The following RHOBTB1 variants were observed in gnomAD, a reference collection of about 807,000 sequenced individuals.
The protein encoded by RHOBTB1 is rho-related BTB domain-containing protein 1.
Under a neutral mutation model 71.6 loss-of-function variants are expected in RHOBTB1, and 40 were observed. That is an observed-to-expected ratio of 0.56 (90% CI 0.43 to 0.73). RHOBTB1 has a LOEUF of 0.73. RHOBTB1 is among the 30% of genes least tolerant of loss of function. The probability of loss-of-function intolerance (pLI) is 0.00; values close to 1 mark genes in which losing one functional copy is unlikely to be tolerated. For missense variants in RHOBTB1, 797 were observed against 894.0 expected (o/e 0.89, Z 1.38); for synonymous variants, 319 against 334.9 (o/e 0.95, Z 0.52).
chr10:60,999,616 C>A (rs2087186184), intron 1 of RHOBTB1, among the ~76,000 whole-genome samples: 1 of 152,182 alleles, frequency 6.6e-6, no homozygotes, highest in Non-Finnish European at 1.5e-5. Flanking sequence ...AATAATTAAT[C>A]CAAGTAGGTA....
chr10:60,929,649 T>C (rs1195630933), intron 2 of RHOBTB1, among the ~76,000 whole-genome samples: 1 of 152,096 alleles, frequency 6.6e-6, no homozygotes, highest in Non-Finnish European at 1.5e-5. Context: ...CCAGAGATAA[T>C]CTAGAAGGTT....
intron 2 of RHOBTB1, among the ~76,000 whole-genome samples, chr10:60,922,999 T>C (rs948762669): frequency 9.2e-5 from 14 of 152,204 alleles, no homozygotes; most frequent in African/African-American, 2.9e-4. Flanking sequence ...CAACTCACAT[T>C]ATATTGAGTA....
At chr10:60,952,829 C>G (rs1284903792) in intron 2 of RHOBTB1, among the ~76,000 whole-genome samples, 1 of 151,980 alleles carries the variant, frequency 6.6e-6, no homozygotes, top group Non-Finnish European at 1.5e-5. Flanking sequence ...GAGAACTGAT[C>G]TCTATGACGT....
intron 2 of RHOBTB1, among the ~76,000 whole-genome samples, chr10:60,961,331 C>T (rs916484636): frequency 1.3e-4 from 20 of 152,218 alleles, no homozygotes; most frequent in Admixed American, 4.6e-4. Context: ...TGCTTACTAG[C>T]GGTACAATTC....
intron 2 of RHOBTB1, among the ~76,000 whole-genome samples, chr10:60,932,597 C>T (rs1250525662): frequency 1.3e-5 from 2 of 149,668 alleles, no homozygotes; most frequent in African/African-American, 4.9e-5. Context: ...GGGTGGGGCA[C>T]ATCTAAGGGC....
At chr10:60,964,094 A>T (rs2085875930) in intron 2 of RHOBTB1, among the ~76,000 whole-genome samples, 1 of 152,196 alleles carries the variant, frequency 6.6e-6, no homozygotes, top group African/African-American at 2.4e-5. Flanking sequence ...CAATACATGC[A>T]AACATAAAAT....
intron 5 of RHOBTB1, among the ~76,000 whole-genome samples, chr10:60,891,536 C>T (rs1020409283): frequency 1.3e-5 from 2 of 151,388 alleles, no homozygotes; most frequent in Admixed American, 6.6e-5. Context: ...TTTCTAGAGA[C>T]GTGGTCTCAC....
In RHOBTB1 at chr10:60,931,449, T is replaced by C. The variant is rs183521673; in HGVS notation, c.-11+10355A>G. Among the ~76,000 whole-genome samples, 9 of 152,356 alleles carry C rather than the reference T, an allele frequency of 5.9e-5. No homozygotes were observed. The East Asian group carries it at 1.3e-3, about 23-fold the overall frequency. ...ATCATGCAATATGTGGCCTATTGTG[T>C]CTGTCTTCTTTCACTTAGCATAGTA... On this transcript the variant is annotated intron_variant, in intron 2 of 10. Coordinates refer to ENST00000337910, the MANE Select transcript of RHOBTB1 (RefSeq NM_014836.5).
intron 2 of RHOBTB1, among the ~76,000 whole-genome samples, chr10:60,962,913 T>C (rs993661212): frequency 1.3e-5 from 2 of 152,188 alleles, no homozygotes; most frequent in African/African-American, 4.8e-5. Context: ...CCAGTTTCAA[T>C]GTATGCCATT....
Position 60,934,841 on chromosome 10 carries a change from A to G in RHOBTB1, c.-11+6963T>C, listed in dbSNP as rs191556279. Among the ~76,000 whole-genome samples, 667 of 152,332 alleles carry G rather than the reference A, an allele frequency of 4.4e-3. 2 individuals are homozygous for G. Among genetic ancestry groups the G allele is most frequent in the Non-Finnish European group, 7.3e-3 (500 of 68,032 alleles). ...ACGTGTATTGTAAAGAGCCAGGAGA[A>G]CATACTTTAATGAATGGAAGCACAT... On this transcript the variant is annotated intron_variant, in intron 2 of 10. Transcript: ENST00000337910.
chr10:60,889,551 T>G (rs979152643), intron 5 of RHOBTB1, among the ~76,000 whole-genome samples: 2 of 152,200 alleles, frequency 1.3e-5, no homozygotes, highest in Non-Finnish European at 2.9e-5. Flanking sequence ...TCCTATTATT[T>G]TGCTAAATTA....
chr10:60,891,255 G>T (rs933246486), intron 5 of RHOBTB1, among the ~76,000 whole-genome samples: 2 of 149,728 alleles, frequency 1.3e-5, no homozygotes, highest in African/African-American at 4.9e-5. Context: ...AGCATAAAAA[G>T]TTGTGTCAAT....
intron 4 of RHOBTB1, among the ~76,000 whole-genome samples, chr10:60,896,753 T>C (rs1409868659): frequency 6.6e-6 from 1 of 152,186 alleles, no homozygotes; most frequent in African/African-American, 2.4e-5. Context: ...TATAAAAATT[T>C]CGCTGGGTAC....
chr10:60,914,937 G>A (rs1157942669), intron 2 of RHOBTB1, among the ~76,000 whole-genome samples: 1 of 152,170 alleles, frequency 6.6e-6, no homozygotes, highest in Non-Finnish European at 1.5e-5. Flanking sequence ...ATAAAAGGCA[G>A]GGCAGAGTTA....
chr10:60,986,108 G>C (rs2134873797), intron 1 of RHOBTB1, among the ~76,000 whole-genome samples: 1 of 152,100 alleles, frequency 6.6e-6, no homozygotes, highest in African/African-American at 2.4e-5. Flanking sequence ...ACAAAAGTTA[G>C]AGCAAAGAAG....
chr10:60,928,388 A>T (rs1044876600), intron 2 of RHOBTB1, among the ~76,000 whole-genome samples: 13 of 152,190 alleles, frequency 8.5e-5, no homozygotes, highest in Non-Finnish European at 1.6e-4. Context: ...TGTTTACTGC[A>T]GCACTACTTA....
chr10:60,888,411 A>G lies in RHOBTB1; in HGVS notation c.1257T>C (p.Tyr419=), dbSNP rs748643393. Residue 419 remains tyrosine, a synonymous_variant, in exon 6 of 11, where the codon TAT becomes TAC. Coordinates refer to ENST00000337910, the MANE Select transcript of RHOBTB1 (RefSeq NM_014836.5). ...GPFRTLLQFL[Y]TGQLDEKEKD... is the part of the protein sequence containing the mutation. The stretch of plus-strand genomic sequence containing the variant: ...TTTCCTTTTCATCCAGTTGTCCCGT[A>G]TAAAGAAACTGGAGCAGGGTCCGAA... 8.1e-6 allele frequency: 13 copies of G among 1,614,052 alleles called. No individual in the cohort carries two copies. In the East Asian group the frequency reaches 2.2e-4, roughly 28 times the overall value.
In RHOBTB1 at chr10:60,871,378, A is replaced by G. The variant is rs555372831; in HGVS notation, c.*104T>C. On this transcript the variant is annotated 3_prime_UTR_variant, in exon 11 of 11. Coordinates refer to ENST00000337910, the MANE Select transcript of RHOBTB1 (RefSeq NM_014836.5). ...AGGAAGATCAGTGCCCGAAACCTGA[A>G]CTATGTCGTATCTCTAACAAGACGA... The G allele has an allele frequency of 1.7e-5, 20 of 1,171,972 alleles. No individual in the cohort carries two copies. The Admixed American group carries it at 2.2e-4, about 13-fold the overall frequency. 72.6% of individuals were successfully genotyped at this position (1,171,972 alleles called of 1,614,324 possible). A position where few individuals can be genotyped will look rare whatever the true frequency, so the allele number is the denominator to read the frequency against.
chr10:60,947,589 T>C (rs930276735), upstream of RHOBTB1, among the ~76,000 whole-genome samples: 1 of 149,562 alleles, frequency 6.7e-6, no homozygotes, highest in African/African-American at 2.5e-5. Context: ...TGACTTTTTT[T>C]GTTTGTTTGT....
Sources: allele counts gnomAD v4.1 joint callset (sites outside exome capture counted in the v4.1 genomes callset), GRCh38; gene constraint gnomAD v4.1.1; transcripts MANE v1.5; gene names NCBI Gene and HGNC (gene_info 2026-07-23, HGNC 2026-07-21).